TRIM37: variants seen among roughly 807,000 people sequenced by gnomAD.
TRIM37 encodes E3 ubiquitin-protein ligase TRIM37.
Under a neutral mutation model 129.8 loss-of-function variants are expected in TRIM37, and 80 were observed. The observed-to-expected ratio is 0.62, with a 90% CI of 0.51 to 0.74. The LOEUF (loss-of-function observed/expected upper bound fraction) is 0.74, where lower values mean the gene tolerates loss of function less well. Among genes scored for constraint, TRIM37 ranks in the 30% least tolerant of loss-of-function variants. TRIM37 has a pLI of 0.00. For synonymous variants in TRIM37, 389 were observed against 387.1 expected, an observed-to-expected ratio of 1.00 and a Z score of -0.06; for missense variants, 1,054 against 1,176.5, an observed-to-expected ratio of 0.90 and a Z score of 1.52.
chr17:59,056,921 CGA>C lies in TRIM37; in HGVS notation c.1151_1152del (p.Leu384ArgfsTer3). On this transcript the variant is annotated frameshift_variant, in exon 13 of 24. Transcript: ENST00000262294. LOFTEE classifies it high-confidence loss of function. ...GYNRFFRLDL[L>X]ANEGYLNPQN... ...TGTGGATTCAAGTATCCTTCATTTGCGAGTAAGTCCAAACGGAAAAATCTATT... is the reference window on the plus strand; with the variant it reads ...TGTGGATTCAAGTATCCTTCATTTGCGTAAGTCCAAACGGAAAAATCTATT... The C allele has an allele frequency of 6.2e-7, 1 of 1,613,624 alleles. No homozygotes were observed. The highest frequency in any genetic ancestry group is 8.5e-7 in the Non-Finnish European group (1 of 1,179,890).
downstream of TRIM37, among the ~76,000 whole-genome samples, chr17:58,995,993 C>A (rs777271875): frequency 6.6e-6 from 1 of 151,738 alleles, no homozygotes; most frequent in African/African-American, 2.4e-5. Flanking sequence ...AAAGCCAGAC[C>A]CTGTCTTCCA....
chr17:59,047,299 T>G (rs2039921810), intron 16 of TRIM37, among the ~76,000 whole-genome samples: 1 of 152,228 alleles, frequency 6.6e-6, no homozygotes, highest in Non-Finnish European at 1.5e-5. Context: ...TTCCAGATTT[T>G]GATAACTATT....
the TRIM37 span, among the ~76,000 whole-genome samples, chr17:58,967,245 T>C: frequency 1.3e-5 from 2 of 152,192 alleles, no homozygotes; most frequent in African/African-American, 4.8e-5. Flanking sequence ...AAAATAGAAA[T>C]GCAGAAAAGT....
intron 17 of TRIM37, among the ~76,000 whole-genome samples, chr17:59,039,571 T>G (rs1475661639): frequency 6.6e-6 from 1 of 152,044 alleles, no homozygotes; most frequent in Non-Finnish European, 1.5e-5. Context: ...GGTCTCAATC[T>G]GCTGACATCG....
chr17:59,102,155 T>C (rs771253338), intron 2 of TRIM37, among the ~76,000 whole-genome samples: 1 of 152,122 alleles, frequency 6.6e-6, no homozygotes, highest in African/African-American at 2.4e-5. Flanking sequence ...ACAGAGATGA[T>C]AGCTAAAGCT....
chr17:59,091,893 T>A (rs2044422519), intron 2 of TRIM37, among the ~76,000 whole-genome samples: 1 of 151,606 alleles, frequency 6.6e-6, no homozygotes. Context: ...CTTATTATTG[T>A]CTTATAATAA....
intron 19 of TRIM37, among the ~76,000 whole-genome samples, chr17:59,018,537 T>C (rs1482822508): frequency 1.3e-5 from 2 of 152,170 alleles, no homozygotes; most frequent in Non-Finnish European, 1.5e-5. Context: ...CTTAGGAATT[T>C]ATTTAACAAA....
chr17:59,091,226 C>A, intron 3 of TRIM37, 74 bp downstream of exon 3: 2 of 1,161,746 alleles, frequency 1.7e-6, no homozygotes, highest in Non-Finnish European at 2.5e-6. Flanking sequence ...AGGAAAACTG[C>A]CTTTATGAAT....
intron 24 of TRIM37, among the ~76,000 whole-genome samples, chr17:58,992,254 TATATATAA>T (rs1331190242): frequency 2.1e-5 from 3 of 145,526 alleles, no homozygotes; most frequent in South Asian, 2.1e-4. Context: ...CTGATATATA[TATATATAA>T]ATATAAATAT....
intron 2 of TRIM37, among the ~76,000 whole-genome samples, chr17:59,102,320 G>C (rs908117534): frequency 6.6e-5 from 10 of 152,080 alleles, no homozygotes; most frequent in African/African-American, 2.2e-4. Context: ...GAATCAATGA[G>C]GCATAAGGTA....
At chr17:59,053,569 A>C (rs2146259166) in intron 13 of TRIM37, among the ~76,000 whole-genome samples, 1 of 152,352 alleles carries the variant, frequency 6.6e-6, no homozygotes, top group South Asian at 2.1e-4. Flanking sequence ...TTGCTTAAAA[A>C]AAATGATGTC....
intron 19 of TRIM37, among the ~76,000 whole-genome samples, chr17:59,019,738 C>T (rs2036364545): frequency 6.6e-6 from 1 of 151,076 alleles, no homozygotes; most frequent in African/African-American, 2.4e-5. Flanking sequence ...GAAGAAAAAT[C>T]CATAGGGAAA....
intron 2 of TRIM37, among the ~76,000 whole-genome samples, chr17:59,104,070 G>A (rs752628395): frequency 2.2e-4 from 33 of 151,950 alleles, no homozygotes; most frequent in African/African-American, 2.9e-4. Flanking sequence ...TTATGATACC[G>A]CACATTCTTC....
downstream of TRIM37, among the ~76,000 whole-genome samples, chr17:58,979,596 G>T (rs1174034456): frequency 2.5e-4 from 38 of 152,164 alleles, 1 homozygote. Flanking sequence ...ACCTGCAAAA[G>T]AACAGATCTA....
At chr17:59,079,709 A>T in intron 7 of TRIM37, 45 bp downstream of exon 7, 2 of 1,612,358 alleles carry the variant, frequency 1.2e-6, no homozygotes, top group Non-Finnish European at 1.7e-6. Flanking sequence ...AATCTCAAAG[A>T]AGCTGAAAGC....
At chr17:59,045,266 T>G (rs936089376) in intron 16 of TRIM37, among the ~76,000 whole-genome samples, 5 of 151,606 alleles carry the variant, frequency 3.3e-5, no homozygotes, top group African/African-American at 1.2e-4. Context: ...AAGGCGGAGC[T>G]TGCAGTGAGC....
Position 59,020,955 on chromosome 17 carries a change from T to C in TRIM37, c.2258-3531A>G, listed in dbSNP as rs140241165. Among the ~76,000 whole-genome samples the C allele has an allele frequency of 9.6e-3, 1,461 of 152,290 alleles. 28 individuals carry two copies. Among genetic ancestry groups the C allele is most frequent in the African/African-American group, 0.032 (1,350 of 41,546 alleles). On this transcript the variant is annotated intron_variant, in intron 19 of 23. Coordinates refer to ENST00000262294, the MANE Select transcript of TRIM37 (RefSeq NM_015294.6). The stretch of plus-strand genomic sequence containing the variant: ...AACTAAAAATAGATCTACCATATGA[T>C]CCAGCAATCCCACTGCTGGTTATAT...
chr17:59,096,865 T>C (rs997314976), intron 2 of TRIM37, among the ~76,000 whole-genome samples: 2 of 152,184 alleles, frequency 1.3e-5, no homozygotes, highest in Non-Finnish European at 2.9e-5. Flanking sequence ...GAAATTGTGC[T>C]AGGGAAATCC....
chr17:58,977,307 G>A, the TRIM37 span, among the ~76,000 whole-genome samples: 1 of 152,054 alleles, frequency 6.6e-6, no homozygotes, highest in African/African-American at 2.4e-5. Context: ...GCTGGGTATT[G>A]TGGTGCGTGC....
Sources: allele counts gnomAD v4.1 joint callset (sites outside exome capture counted in the v4.1 genomes callset), GRCh38; gene constraint gnomAD v4.1.1; transcripts MANE v1.5; gene names NCBI Gene and HGNC (gene_info 2026-07-23, HGNC 2026-07-21).